Variants in SYNE3 observed in about 807,000 individuals in gnomAD.
SYNE3 encodes spectrin repeat containing nuclear envelope family member 3, also known as nesprin-3.
A neutral mutation model predicts 111.2 loss-of-function variants in SYNE3; 100 were observed. The ratio of observed to expected loss-of-function variants is 0.90; its 90% CI spans 0.77 to 1.06. The LOEUF (loss-of-function observed/expected upper bound fraction) is 1.06. Ranked by LOEUF, SYNE3 falls within the 50% of genes least tolerant of loss-of-function variation. SYNE3 has a pLI of 0.00. For missense variants in SYNE3, 1,160 were observed against 1,240.3 expected, an observed-to-expected ratio of 0.94 and a Z score of 0.97; for synonymous variants, 547 against 533.9, an observed-to-expected ratio of 1.02 and a Z score of -0.34.
chr14:95,445,885 G>A lies in SYNE3; in HGVS notation c.1632+24C>T, dbSNP rs201334821. On this transcript the variant is annotated intron_variant, in intron 9 of 17. Coordinates refer to ENST00000682763, the MANE Select transcript of SYNE3 (RefSeq NM_152592.6). Reference sequence around the variant, plus strand: ...CAGCCCCGTGGCCAAGCCAAGTCCCGAGCAGATGCCTGGTGCTGCACACCT... The same window carrying A: ...CAGCCCCGTGGCCAAGCCAAGTCCCAAGCAGATGCCTGGTGCTGCACACCT... 1.3e-4 allele frequency: 206 copies of A among 1,609,246 alleles called. No individual in the cohort carries two copies. In the African/African-American group the frequency reaches 1.7e-3, roughly 14 times the overall value.
intron 1 of SYNE3, among the ~76,000 whole-genome samples, chr14:95,479,344 G>A (rs1238809529): frequency 1.3e-5 from 2 of 151,466 alleles, no homozygotes; most frequent in Non-Finnish European, 2.9e-5. Flanking sequence ...GTGACAGAGA[G>A]AGATTCTGTC....
chr14:95,466,737 C>T (rs1341262644), intron 3 of SYNE3, among the ~76,000 whole-genome samples: 1 of 152,230 alleles, frequency 6.6e-6, no homozygotes, highest in Non-Finnish European at 1.5e-5. Flanking sequence ...CACTTTGGAT[C>T]TGTCTTTACT....
intron 1 of SYNE3, among the ~76,000 whole-genome samples, chr14:95,503,056 T>C (rs1411479916): frequency 6.6e-6 from 1 of 152,174 alleles, no homozygotes; most frequent in Non-Finnish European, 1.5e-5. Flanking sequence ...CTAGCTCTCA[T>C]GGGAAAGGTG....
At position 95,414,764 on chromosome 14, in the gene SYNE3, T is replaced by C. The variant is rs1238830852; in HGVS notation, c.*3062A>G. On this transcript the variant is annotated 3_prime_UTR_variant, in exon 18 of 18. Transcript: ENST00000682763. Reference sequence around the variant, plus strand: ...GCGCCACCTTTCTCAAGTAGCACCTTAAAGCTCTGCATGGCTGTTAAAGAG... The same window carrying C: ...GCGCCACCTTTCTCAAGTAGCACCTCAAAGCTCTGCATGGCTGTTAAAGAG... 1.3e-5 allele frequency: 2 copies of C among 150,190 alleles called. No individual in the cohort carries two copies. 9.3% of individuals were successfully genotyped at this position (150,190 alleles called of 1,614,324 possible). A position where few individuals can be genotyped will look rare whatever the true frequency, so the allele number is the denominator to read the frequency against.
intron 17 of SYNE3, among the ~76,000 whole-genome samples, chr14:95,428,782 T>C (rs961051221): frequency 1.3e-4 from 20 of 152,226 alleles, no homozygotes; most frequent in African/African-American, 4.6e-4. Context: ...GGCAAGTGCC[T>C]AGGCAGCTGC....
intron 17 of SYNE3, among the ~76,000 whole-genome samples, chr14:95,422,905 G>A (rs1385160301): frequency 1.3e-5 from 2 of 152,226 alleles, no homozygotes; most frequent in South Asian, 2.1e-4. Flanking sequence ...CTCTGGCAGT[G>A]CCAGCAGGTC....
chr14:95,475,178 T>C (rs558903884), intron 2 of SYNE3, among the ~76,000 whole-genome samples: 1 of 152,356 alleles, frequency 6.6e-6, no homozygotes, highest in South Asian at 2.1e-4. Context: ...TTGTGCCAGG[T>C]GGGGTGGGTA....
In SYNE3 at chr14:95,465,992, A is replaced by C. The variant is rs556704828; in HGVS notation, c.566T>G (p.Val189Gly). The change falls in exon 4 of 18, where the codon GTG (valine) becomes GGG (glycine). Residue 189 changes from valine (V) to glycine (G), a missense_variant. By Grantham distance (109) the Val-to-Gly change is moderately radical. Coordinates refer to ENST00000682763, the MANE Select transcript of SYNE3 (RefSeq NM_152592.6). ...SLFNRIGDPS[V>G]DEDAQKRMKA... ...CATTCTCTTCTGGGCATCTTCGTCC[A>C]CGCTGGGGTCCCCGATCCTGTTGAA... The C allele has an allele frequency of 6.2e-7, 1 of 1,608,552 alleles. No individual in the cohort carries two copies. The highest frequency in any genetic ancestry group is 1.1e-5 in the South Asian group (1 of 90,882).
chr14:95,447,129 G>A (rs1244728706), intron 8 of SYNE3, among the ~76,000 whole-genome samples: 4 of 140,820 alleles, frequency 2.8e-5, no homozygotes, highest in African/African-American at 1.1e-4. Flanking sequence ...ACAGAAAGTG[G>A]TCATTCTTTT....
intron 1 of SYNE3, among the ~76,000 whole-genome samples, chr14:95,514,471 G>A (rs1190439334): frequency 1.3e-5 from 2 of 152,226 alleles, no homozygotes; most frequent in Non-Finnish European, 2.9e-5. Flanking sequence ...AGAGCAGAGG[G>A]GAACCCAGGT....
intron 1 of SYNE3, among the ~76,000 whole-genome samples, chr14:95,514,564 G>A (rs1271289223): frequency 6.6e-6 from 1 of 152,228 alleles, no homozygotes; most frequent in Non-Finnish European, 1.5e-5. Flanking sequence ...GCTGATCAGG[G>A]CAAAGCTCGT....
Position 95,443,263 on chromosome 14 carries a change from C to T in SYNE3, c.1803G>A (p.Leu601=). 6.2e-7 allele frequency: 1 copy of T among 1,614,202 alleles called. No homozygotes were observed. Among genetic ancestry groups the T allele is most frequent in the South Asian group, 1.1e-5 (1 of 91,076 alleles). ...GCCTTGCAGCCTCCATCTGTGCCCC[C>T]AAGTCCAGCCCCTCTTCCTGCAGCC... ...LQGLQEEGLD[L]GAQMEAARPL... is the part of the protein sequence containing the mutation. The change falls in exon 11 of 18, where the codon TTG becomes TTA. Residue 601 remains leucine (L), a synonymous_variant. Coordinates refer to ENST00000682763, the MANE Select transcript of SYNE3 (RefSeq NM_152592.6).
At chr14:95,433,233 T>C (rs780827065) in intron 16 of SYNE3, 27 bp downstream of exon 16, 2 of 1,608,974 alleles carry the variant, frequency 1.2e-6, no homozygotes, top group African/African-American at 1.3e-5. Flanking sequence ...CCCTGGAATC[T>C]GGGACCTGCA....
At chr14:95,501,024 T>C (rs1223822183) in intron 1 of SYNE3, among the ~76,000 whole-genome samples, 20 of 152,240 alleles carry the variant, frequency 1.3e-4, no homozygotes, top group Non-Finnish European at 4.4e-5. Flanking sequence ...ACGCTTTGCA[T>C]GAAAGGCAAA....
chr14:95,463,966 C>T (rs960426348), intron 4 of SYNE3, among the ~76,000 whole-genome samples: 1 of 152,200 alleles, frequency 6.6e-6, no homozygotes, highest in Non-Finnish European at 1.5e-5. Context: ...GCCCCCACAA[C>T]CTGGGTGCAG....
chr14:95,424,922 G>A (rs1195178142), intron 17 of SYNE3, among the ~76,000 whole-genome samples: 2 of 152,162 alleles, frequency 1.3e-5, no homozygotes, highest in Non-Finnish European at 2.9e-5. Context: ...TCCAGACAAT[G>A]GAATATAATT....
At chr14:95,446,131 G>A in intron 8 of SYNE3, 40 bp from the exon 9 acceptor site, 1 of 1,608,502 alleles carries the variant, frequency 6.2e-7, no homozygotes, top group South Asian at 1.1e-5. Flanking sequence ...AGACCGGGCA[G>A]GACACAGCTC....
chr14:95,503,147 C>T (rs1890399236), intron 1 of SYNE3, among the ~76,000 whole-genome samples: 1 of 152,226 alleles, frequency 6.6e-6, no homozygotes, highest in Non-Finnish European at 1.5e-5. Context: ...AAGGGCATCT[C>T]ATGGAAAGGG....
chr14:95,494,955 T>C (rs1890022779), intron 1 of SYNE3, among the ~76,000 whole-genome samples: 1 of 151,842 alleles, frequency 6.6e-6, no homozygotes, highest in Admixed American at 6.6e-5. Flanking sequence ...CTACTAAAAA[T>C]ACAAAAATCA....
Sources: allele counts gnomAD v4.1 joint callset (sites outside exome capture counted in the v4.1 genomes callset), GRCh38; gene constraint gnomAD v4.1.1; transcripts MANE v1.5; gene names NCBI Gene and HGNC (gene_info 2026-07-23, HGNC 2026-07-21).